SLC7A5: variants seen among roughly 807,000 people sequenced by gnomAD.
SLC7A5 encodes the protein large neutral amino acids transporter small subunit 1.
SLC7A5 carries 23 observed loss-of-function variants against 50.2 expected under a neutral mutation model. The observed-to-expected ratio is 0.46, with a 90% CI of 0.33 to 0.65. SLC7A5 has a LOEUF of 0.65. Among genes scored for constraint, SLC7A5 ranks in the 30% least tolerant of loss-of-function variants. The pLI is 0.02. For missense variants in SLC7A5, 578 were observed against 684.4 expected (o/e 0.84, Z 1.73); for synonymous variants, 393 against 330.6 (o/e 1.19, Z -2.05).
In SLC7A5 at chr16:87,860,395, C is replaced by CAT. The variant is rs2055381310; in HGVS notation, c.538+8489_538+8490insAT. On this transcript the variant is annotated intron_variant, in intron 1 of 9. Transcript: ENST00000261622. This position sits in a 1 kb window ranked among gnomAD's most constrained non-coding sequence, Gnocchi z 4.8. ...ACACACACACACACACACACACACA[C>CAT]ACACATATATATATAAAGAAAAAGG... 1.5e-5 allele frequency among the ~76,000 whole-genome samples: 1 copy of CAT among 65,710 alleles called. No homozygotes were observed. The highest frequency in any genetic ancestry group is 1.6e-4 in the Admixed American group (1 of 6,136). The allele number at this position is 65,710 out of a possible 152,430, so 43.1% of individuals were successfully genotyped here.
chr16:87,867,325 C>T (rs899571970), intron 1 of SLC7A5, among the ~76,000 whole-genome samples: 1 of 152,204 alleles, frequency 6.6e-6, no homozygotes, highest in African/African-American at 2.4e-5. Context: ...GAGACTGAAC[C>T]AGTGAAATTC....
Position 87,837,853 on chromosome 16 carries a change from C to G in SLC7A5, c.1132G>C (p.Val378Leu), listed in dbSNP as rs183791552. ...PQLLTPVPSL[V>L]FTCVMTLLYA... ...CCGTGCAGCAGGCTTACCGTGAACA[C>G]GAGGGACGGCACGGGGGTGAGGAGC... The change falls in exon 7 of 10, where the codon GTG (valine) becomes CTG (leucine). Residue 378 changes from valine to leucine, a missense_variant. By Grantham distance (32) the Val-to-Leu change is conservative (BLOSUM62 1). Coordinates refer to ENST00000261622, the MANE Select transcript of SLC7A5 (RefSeq NM_003486.7). 6.2e-6 allele frequency: 10 copies of G among 1,604,240 alleles called. No homozygotes were observed. The highest frequency in any genetic ancestry group is 8.5e-6 in the Non-Finnish European group (10 of 1,176,808).
chr16:87,843,579 G>A (rs149263150), intron 2 of SLC7A5, among the ~76,000 whole-genome samples: 1 of 151,924 alleles, frequency 6.6e-6, no homozygotes, highest in South Asian at 2.1e-4. Context: ...CTACACACAG[G>A]GGAGAGACAC....
At chr16:87,846,495 C>T (rs1010441303) in intron 2 of SLC7A5, among the ~76,000 whole-genome samples, 2 of 152,220 alleles carry the variant, frequency 1.3e-5, no homozygotes, top group African/African-American at 2.4e-5. Context: ...TGTGGCTGTA[C>T]GTGGACATGG....
At chr16:87,854,071 C>G (rs76240636) in intron 1 of SLC7A5, 1 of 85,012 alleles carries the variant, frequency 1.2e-5, no homozygotes, top group Non-Finnish European at 2.2e-5. Context: ...AGGACCCCCC[C>G]GCCCCCCCCC....
intron 1 of SLC7A5, among the ~76,000 whole-genome samples, chr16:87,867,153 C>T (rs1051894238): frequency 4.6e-5 from 7 of 152,202 alleles, no homozygotes; most frequent in Admixed American, 2.0e-4. Context: ...CTCCTGACCT[C>T]GGTAGATCCG....
chr16:87,834,265 C>A, intron 9 of SLC7A5, 149 bp downstream of exon 9: 1 of 751,064 alleles, frequency 1.3e-6, no homozygotes, highest in Non-Finnish European at 2.4e-6. Flanking sequence ...ATGTGGGCTG[C>A]GTGTCACTGG....
rs9935894 is a variant in SLC7A5 at position 87,853,595 on chromosome 16, T to C, written c.539-1746A>G. ...CAGGTCAGTGGGTCTAGGCAGCTCC[T>C]TGTCCGCTGCACAGGGCAAGGGGCA... is the stretch of plus-strand genomic sequence containing the variant. On this transcript the variant is annotated intron_variant, in intron 1 of 9. Transcript: ENST00000261622. The surrounding 1 kb of genome is among the most constrained non-coding windows in gnomAD (Gnocchi z 4.4). Among the ~76,000 whole-genome samples the C allele has an allele frequency of 0.31, 47,562 of 152,020 alleles. 8,304 individuals carry two copies. Among genetic ancestry groups the C allele is most frequent in the South Asian group, 0.56 (2,676 of 4,806 alleles).
intron 7 of SLC7A5, chr16:87,837,468 G>A (rs530449032): frequency 8.7e-5 from 24 of 277,262 alleles, no homozygotes; most frequent in Middle Eastern, 1.2e-3. Flanking sequence ...AGGCAGTCAC[G>A]CGGGCTGGCA....
intron 1 of SLC7A5, among the ~76,000 whole-genome samples, chr16:87,864,600 C>A (rs1370102488): frequency 1.3e-5 from 2 of 152,246 alleles, no homozygotes; most frequent in African/African-American, 2.4e-5. Context: ...GCACTCCTTG[C>A]AGACCCCTGA....
At position 87,862,059 on chromosome 16, in the gene SLC7A5, T is replaced by G. The variant is rs1444231010; in HGVS notation, c.538+6826A>C. Reference sequence around the variant, plus strand: ...CTGTGGGGGGTTGGGGGTGGAGGGGTGCAGGGATCCCAAAACCCAACCCGG... The same window carrying G: ...CTGTGGGGGGTTGGGGGTGGAGGGGGGCAGGGATCCCAAAACCCAACCCGG... On this transcript the variant is annotated intron_variant, in intron 1 of 9. Coordinates refer to ENST00000261622, the MANE Select transcript of SLC7A5 (RefSeq NM_003486.7). This position sits in a 1 kb window ranked among gnomAD's most constrained non-coding sequence, Gnocchi z 5.3. Among the ~76,000 whole-genome samples, 1 of 151,826 alleles carries G rather than the reference T, an allele frequency of 6.6e-6. No individual in the cohort carries two copies. The highest frequency in any genetic ancestry group is 2.4e-5 in the African/African-American group (1 of 41,280).
intron 7 of SLC7A5, 169 bp downstream of exon 7, chr16:87,837,676 A>G: frequency 3.3e-6 from 2 of 601,296 alleles, no homozygotes; most frequent in South Asian, 2.0e-5. Flanking sequence ...AATAAAATCT[A>G]AAGCCCCTCC....
rs762414693 is a variant in SLC7A5 at position 87,869,409 on chromosome 16, C to A, written c.14G>T (p.Gly5Val). Residue 5 changes from glycine (G) to valine (V), a missense_variant, in exon 1 of 10, where the codon GGC (glycine) becomes GTC (valine). Transcript: ENST00000261622. ...CGCCGCTAGCGCGCGCCGCTTCGGG[C>A]CCGCACCCGCCATGCTCTGCGCACC... is the stretch of plus-strand genomic sequence containing the variant. MAGA[G>V]PKRRALAAPA... 2 of 1,494,748 alleles carry A rather than the reference C, an allele frequency of 1.3e-6. No homozygotes were observed. Among genetic ancestry groups the A allele is most frequent in the Admixed American group, 4.4e-5 (2 of 45,090 alleles). The allele number at this position is 1,494,748 out of a possible 1,614,324, so 92.6% of individuals were successfully genotyped here.
At chr16:87,840,627 C>A (rs1443284298) in intron 3 of SLC7A5, among the ~76,000 whole-genome samples, 154 bp from the exon 4 acceptor site, 3 of 152,186 alleles carry the variant, frequency 2.0e-5, no homozygotes, top group African/African-American at 7.2e-5. Context: ...GGAGCTCAGC[C>A]TCCTGCGTGT....
At chr16:87,850,859 A>C (rs2143781191) in intron 2 of SLC7A5, among the ~76,000 whole-genome samples, 1 of 152,372 alleles carries the variant, frequency 6.6e-6, no homozygotes, top group Middle Eastern at 3.4e-3. Flanking sequence ...CTCTGCAGGC[A>C]GACACAGAAC....
rs2055379935 is a variant in SLC7A5 at position 87,860,381 on chromosome 16, CA to C, written c.538+8503del. Among the ~76,000 whole-genome samples the C allele has an allele frequency of 6.8e-6, 1 of 146,098 alleles. No individual in the cohort carries two copies. ...ACACACACACACACACACACACACA[CA>C]CACACACACACACACACATATATAT... On this transcript the variant is annotated intron_variant, in intron 1 of 9. Coordinates refer to ENST00000261622, the MANE Select transcript of SLC7A5 (RefSeq NM_003486.7). The surrounding 1 kb of genome is among the most constrained non-coding windows in gnomAD (Gnocchi z 4.8).
At chr16:87,849,724 GTGCCGGAACC>G (rs964384701) in intron 2 of SLC7A5, among the ~76,000 whole-genome samples, 3 of 152,104 alleles carry the variant, frequency 2.0e-5, no homozygotes, top group Non-Finnish European at 4.4e-5. Flanking sequence ...CTTGAGTAAG[GTGCCGGAACC>G]TGAGGTCCCA....
chr16:87,833,117 T>A lies in SLC7A5; in HGVS notation c.1469-92A>T. On this transcript the variant is annotated intron_variant, in intron 9 of 9. Transcript: ENST00000261622. The surrounding 1 kb of genome is among the most constrained non-coding windows in gnomAD (Gnocchi z 6.0). ...TGAGCTGGGGCTCCCCCAGCCCTGC[T>A]GTCACCAAACCCAGCGCCGCTGCCC... 9.3e-7 allele frequency: 1 copy of A among 1,075,860 alleles called. No homozygotes were observed. The highest frequency in any genetic ancestry group is 1.4e-6 in the Non-Finnish European group (1 of 691,346). 66.6% of individuals were successfully genotyped at this position (1,075,860 alleles called of 1,614,324 possible).
chr16:87,867,520 C>T (rs1438606562), intron 1 of SLC7A5, among the ~76,000 whole-genome samples: 3 of 152,122 alleles, frequency 2.0e-5, no homozygotes, highest in South Asian at 2.1e-4. Flanking sequence ...GTCTTGCCCT[C>T]GGGGCATTCT....
Sources: allele counts gnomAD v4.1 joint callset (sites outside exome capture counted in the v4.1 genomes callset), GRCh38; gene constraint gnomAD v4.1.1; non-coding constraint Gnocchi (gnomAD v3.1); transcripts MANE v1.5; gene names NCBI Gene and HGNC (gene_info 2026-07-23, HGNC 2026-07-21).